CELF2: variants seen among roughly 807,000 people sequenced by gnomAD.
The protein encoded by CELF2 is CUG triplet repeat RNA-binding protein 2.
A neutral mutation model predicts 62.6 loss-of-function variants in CELF2; 8 were observed. That is an observed-to-expected ratio of 0.13 (90% CI 0.07 to 0.23). The LOEUF is 0.23. Ranked by LOEUF, CELF2 falls within the 10% of genes least tolerant of loss-of-function variation. CELF2 has a pLI of 1.00. For synonymous variants in CELF2, 258 were observed against 250.0 expected (o/e 1.03, Z -0.30); for missense variants, 333 against 671.0 (o/e 0.50, Z 5.56).
At chr10:10,736,396 C>CTTTCTTTTTTTTT in the CELF2 span, among the ~76,000 whole-genome samples, 1 of 76,016 alleles carries the variant, frequency 1.3e-5, no homozygotes, top group African/African-American at 5.0e-5. Flanking sequence ...TTCTTTCTTT[C>CTTTCTTTTTTTTT]TTTTTTTTTT....
At chr10:11,084,936 C>G (rs908464395) in intron 1 of CELF2, among the ~76,000 whole-genome samples, 2 of 152,186 alleles carry the variant, frequency 1.3e-5, no homozygotes, top group Admixed American at 6.5e-5. Context: ...TAGGCACTAA[C>G]ACATTAAAAG....
At chr10:10,651,541 C>A in the CELF2 span, among the ~76,000 whole-genome samples, 3 of 127,984 alleles carry the variant, frequency 2.3e-5, no homozygotes, top group East Asian at 6.0e-4. Flanking sequence ...AGCAGACTGC[C>A]TCCTCAAGTG....
At chr10:11,044,896 ACATT>A (rs568773775) in intron 1 of CELF2, among the ~76,000 whole-genome samples, 49 of 152,344 alleles carry the variant, frequency 3.2e-4, no homozygotes, top group African/African-American at 1.1e-3. Flanking sequence ...TTTGAATTGC[ACATT>A]CATAGTTTAA....
chr10:10,506,821 C>T, the CELF2 span, among the ~76,000 whole-genome samples: 2 of 151,658 alleles, frequency 1.3e-5, no homozygotes, highest in Admixed American at 6.6e-5. Context: ...CGTACCACCA[C>T]GCCTGGCTAA....
At chr10:11,121,778 C>T (rs1221663092) in intron 1 of CELF2, among the ~76,000 whole-genome samples, 1 of 151,944 alleles carries the variant, frequency 6.6e-6, no homozygotes, top group East Asian at 1.9e-4. Context: ...ATGAAGGATG[C>T]CCCATAGTGT....
At chr10:11,043,252 G>T (rs12265057) in intron 1 of CELF2, among the ~76,000 whole-genome samples, 9,612 of 152,196 alleles carry the variant, frequency 0.063, 1,034 homozygotes, top group African/African-American at 0.22. Flanking sequence ...AACTAAGCCC[G>T]GAGGGTATTA....
At chr10:10,629,945 A>G in the CELF2 span, among the ~76,000 whole-genome samples, 1 of 150,510 alleles carries the variant, frequency 6.6e-6, no homozygotes, top group Non-Finnish European at 1.5e-5. Flanking sequence ...TTGCTCCTAA[A>G]GGAGTTTTAC....
the CELF2 span, among the ~76,000 whole-genome samples, chr10:10,693,683 T>G: frequency 0.23 from 33,552 of 148,758 alleles, 3,686 homozygotes; most frequent in South Asian, 0.41. Context: ...TTGCCACAAT[T>G]TCAGCTCCTG....
chr10:10,910,699 C>CAAAAAAAAAAAAAAAAAAAAAAAAAA (rs55954207), intron 1 of CELF2, among the ~76,000 whole-genome samples: 3 of 92,236 alleles, frequency 3.3e-5, no homozygotes, highest in Admixed American at 1.5e-4. Flanking sequence ...GACTCTGCCT[C>CAAAAAAAAAAAAAAAAAAAAAAAAAA]AAAAAAAAAA....
the CELF2 span, among the ~76,000 whole-genome samples, chr10:10,624,434 C>A: frequency 6.6e-6 from 1 of 152,224 alleles, no homozygotes; most frequent in Non-Finnish European, 1.5e-5. Context: ...TCTGCATCTA[C>A]ACAAGTCAAA....
At chr10:11,113,065 C>A (rs1747710) in intron 1 of CELF2, among the ~76,000 whole-genome samples, 83,997 of 152,098 alleles carry the variant, frequency 0.55, 23,862 homozygotes, top group East Asian at 0.81. Flanking sequence ...CTGACTTCAG[C>A]AACACTGGGT....
At chr10:10,708,331 G>A in the CELF2 span, among the ~76,000 whole-genome samples, 1 of 152,154 alleles carries the variant, frequency 6.6e-6, no homozygotes, top group African/African-American at 2.4e-5. Context: ...AAGGTGAATG[G>A]CTTCCCTGTA....
chr10:10,559,544 A>T, the CELF2 span, among the ~76,000 whole-genome samples: 25 of 152,330 alleles, frequency 1.6e-4, no homozygotes, highest in Non-Finnish European at 2.9e-4. Context: ...GATAGTGCTG[A>T]TGTTGCTGTG....
chr10:10,697,511 C>T, the CELF2 span, among the ~76,000 whole-genome samples: 6 of 152,110 alleles, frequency 3.9e-5, no homozygotes, highest in East Asian at 3.9e-4. Flanking sequence ...ACGCTAGACT[C>T]GGGGTCTCCT....
the CELF2 span, among the ~76,000 whole-genome samples, chr10:10,667,537 A>G: frequency 2.6e-5 from 4 of 152,316 alleles, no homozygotes; most frequent in Admixed American, 6.5e-5. Context: ...TAACTTAAAG[A>G]GTATGTAAAC....
chr10:10,802,001 A>G (rs1022288427), intron 1 of CELF2, among the ~76,000 whole-genome samples: 1 of 152,224 alleles, frequency 6.6e-6, no homozygotes, highest in African/African-American at 2.4e-5. Flanking sequence ...CCCAAGGGAC[A>G]TAAAAGAAAC....
At chr10:11,195,853 A>T (rs2057321417) in intron 2 of CELF2, among the ~76,000 whole-genome samples, 2 of 152,218 alleles carry the variant, frequency 1.3e-5, no homozygotes. Context: ...GCAATGCCGA[A>T]GAGTGGGTGG....
At chr10:11,073,943 A>C (rs138559805) in intron 1 of CELF2, among the ~76,000 whole-genome samples, 5 of 152,330 alleles carry the variant, frequency 3.3e-5, no homozygotes, top group African/African-American at 1.2e-4. Flanking sequence ...ATATTCTTGT[A>C]ATGGCCATAG....
intron 1 of CELF2, among the ~76,000 whole-genome samples, chr10:11,120,007 A>C (rs1321512060): frequency 1.3e-5 from 2 of 152,008 alleles, no homozygotes; most frequent in Non-Finnish European, 2.9e-5. Flanking sequence ...TTATTTGTTT[A>C]TGCTTCCATT....
Sources: gnomAD v4.1 joint callset for allele counts (sites outside exome capture counted in the v4.1 genomes callset) on GRCh38, gnomAD v4.1.1 for gene constraint, MANE v1.5 for transcripts, NCBI Gene and HGNC (gene_info 2026-07-23, HGNC 2026-07-21) for gene names.